SIK3: variants seen among roughly 807,000 people sequenced by gnomAD.
SIK3 encodes serine/threonine-protein kinase SIK3.
A neutral mutation model predicts 144.2 loss-of-function variants in SIK3; 28 were observed. The ratio of observed to expected loss-of-function variants is 0.19; its 90% CI spans 0.14 to 0.27. The LOEUF is 0.27. Ranked by LOEUF, SIK3 falls within the 10% of genes least tolerant of loss-of-function variation. SIK3 has a pLI of 1.00. For missense variants in SIK3, 1,319 were observed against 1,776.0 expected (o/e 0.74, Z 4.62); for synonymous variants, 686 against 676.3 (o/e 1.01, Z -0.22).
chr11:116,849,358 T>A lies in SIK3; in HGVS notation c.3656-75A>T. On this transcript the variant is annotated intron_variant, in intron 21 of 24. Coordinates refer to ENST00000445177, the MANE Select transcript of SIK3 (RefSeq NM_001366686.3). This position sits in a 1 kb window ranked among gnomAD's most constrained non-coding sequence, Gnocchi z 4.2. Reference sequence around the variant, plus strand: ...ACTGGAAACTCCCATCCAAGAAATGTCTTGCAAGGGACAATGGGCAAGGCT... The same window carrying A: ...ACTGGAAACTCCCATCCAAGAAATGACTTGCAAGGGACAATGGGCAAGGCT... The A allele has an allele frequency of 6.4e-7, 1 of 1,571,940 alleles. No individual in the cohort carries two copies. The highest frequency in any genetic ancestry group is 1.1e-5 in the South Asian group (1 of 88,994).
rs563485165 is a variant in SIK3 at position 116,992,167 on chromosome 11, T to C, written c.274-35103A>G. On this transcript the variant is annotated intron_variant, in intron 1 of 24. Coordinates refer to ENST00000445177, the MANE Select transcript of SIK3 (RefSeq NM_001366686.3). ...GGTGAAACCTCATTTTTACTAAAAA[T>C]ACAAAAAATTAGCCAGGCGTGGTGG... 6.6e-5 allele frequency among the ~76,000 whole-genome samples: 10 copies of C among 151,902 alleles called. No homozygotes were observed. In the East Asian group the frequency reaches 1.6e-3, roughly 24 times the overall value.
At chr11:116,860,223 G>A (rs1281825830) in intron 19 of SIK3, among the ~76,000 whole-genome samples, 1 of 150,936 alleles carries the variant, frequency 6.6e-6, no homozygotes, top group Admixed American at 6.6e-5. Context: ...CAGCCTGGGT[G>A]ACAGGGGGAG....
chr11:117,057,423 T>G (rs1953586596), intron 1 of SIK3, among the ~76,000 whole-genome samples: 1 of 152,098 alleles, frequency 6.6e-6, no homozygotes, highest in Non-Finnish European at 1.5e-5. Flanking sequence ...TTGGAAGCAG[T>G]GGGGAGGAAA....
At chr11:117,043,341 C>T (rs1008112342) in intron 1 of SIK3, among the ~76,000 whole-genome samples, 2 of 152,110 alleles carry the variant, frequency 1.3e-5, no homozygotes, top group African/African-American at 4.8e-5. Context: ...ATCATCTAAA[C>T]AAAAACTCAT....
chr11:116,971,964 T>C (rs1949777432), intron 1 of SIK3, among the ~76,000 whole-genome samples: 1 of 151,978 alleles, frequency 6.6e-6, no homozygotes, highest in Non-Finnish European at 1.5e-5. Flanking sequence ...GGCACGCGCC[T>C]GTAATCCCAG....
At chr11:116,866,450 T>A (rs1189383410) in intron 15 of SIK3, among the ~76,000 whole-genome samples, 2 of 152,122 alleles carry the variant, frequency 1.3e-5, no homozygotes, top group Admixed American at 1.3e-4. Flanking sequence ...TCTTTATTTA[T>A]TTATTTATTG....
intron 1 of SIK3, among the ~76,000 whole-genome samples, chr11:117,013,297 C>A (rs755798988): frequency 1.6e-4 from 24 of 152,006 alleles, no homozygotes; most frequent in Non-Finnish European, 3.4e-4. Flanking sequence ...TCGAGACCAG[C>A]CTGGCCAACA....
chr11:116,921,345 C>T (rs756335190), intron 4 of SIK3, among the ~76,000 whole-genome samples: 22 of 152,106 alleles, frequency 1.4e-4, no homozygotes, highest in African/African-American at 4.8e-4. Flanking sequence ...ACCAACTTTT[C>T]AAAGATCTAA....
intron 4 of SIK3, among the ~76,000 whole-genome samples, chr11:116,924,209 G>A (rs539696316): frequency 2.6e-5 from 4 of 151,520 alleles, no homozygotes; most frequent in East Asian, 3.9e-4. Flanking sequence ...TAGGAGAATC[G>A]CTTGAACCTG....
chr11:116,944,281 T>C lies in SIK3; in HGVS notation c.454+9763A>G, dbSNP rs1165494015. Reference sequence around the variant, plus strand: ...ATGTTATGTCTGCTCGGAGTGTCTCTGTCTGGGAGCCTTGGGTCATGCCAG... The same window carrying C: ...ATGTTATGTCTGCTCGGAGTGTCTCCGTCTGGGAGCCTTGGGTCATGCCAG... On this transcript the variant is annotated intron_variant, in intron 3 of 24. Coordinates refer to ENST00000445177, the MANE Select transcript of SIK3 (RefSeq NM_001366686.3). Among the ~76,000 whole-genome samples the C allele has an allele frequency of 2.0e-5, 3 of 152,174 alleles. 1 individual carries two copies. The highest frequency in any genetic ancestry group is 4.4e-5 in the Non-Finnish European group (3 of 68,028).
chr11:116,857,608 G>A, intron 21 of SIK3: 2 of 757,918 alleles, frequency 2.6e-6, no homozygotes, highest in Non-Finnish European at 4.0e-6. Flanking sequence ...TGTTAATTTT[G>A]TATCATGGTC....
At chr11:116,998,893 C>T (rs1950760322) in intron 1 of SIK3, among the ~76,000 whole-genome samples, 1 of 152,040 alleles carries the variant, frequency 6.6e-6, no homozygotes, top group African/African-American at 2.4e-5. Flanking sequence ...AGTCAAAATC[C>T]CAAACTAATC....
At chr11:116,961,230 C>T (rs553848519) in intron 1 of SIK3, among the ~76,000 whole-genome samples, 1 of 152,306 alleles carries the variant, frequency 6.6e-6, no homozygotes, top group East Asian at 1.9e-4. Flanking sequence ...GAGGAGAGAA[C>T]TTACTGTTGC....
chr11:117,086,766 G>A (rs1955029381), intron 1 of SIK3, among the ~76,000 whole-genome samples: 1 of 151,812 alleles, frequency 6.6e-6, no homozygotes, highest in Admixed American at 6.6e-5. Context: ...GGAGGTCGAG[G>A]CAGGTGGATC....
chr11:116,878,381 C>CG (rs1944369528), intron 6 of SIK3, among the ~76,000 whole-genome samples: 1 of 144,258 alleles, frequency 6.9e-6, no homozygotes, highest in African/African-American at 2.6e-5. Context: ...CTCTCTCTCC[C>CG]TTTTTTTTTT....
At chr11:116,952,956 T>C (rs1473326) in intron 3 of SIK3, among the ~76,000 whole-genome samples, 13,451 of 152,244 alleles carry the variant, frequency 0.088, 788 homozygotes, top group South Asian at 0.16. Flanking sequence ...ACCATTAGCT[T>C]TGACATTAAC....
chr11:117,054,625 G>A (rs1953426025), intron 1 of SIK3, among the ~76,000 whole-genome samples: 1 of 152,076 alleles, frequency 6.6e-6, no homozygotes, highest in African/African-American at 2.4e-5. Context: ...CACATGTTTC[G>A]GAAGCACAAT....
intron 1 of SIK3, among the ~76,000 whole-genome samples, chr11:117,096,444 G>GTT (rs1490299074): frequency 3.3e-5 from 5 of 152,210 alleles, no homozygotes; most frequent in Non-Finnish European, 7.3e-5. Flanking sequence ...GTTTGTAAAT[G>GTT]TAAGTTTGCC....
intron 1 of SIK3, among the ~76,000 whole-genome samples, chr11:117,015,254 CCTA>C (rs1193557799): frequency 6.6e-6 from 1 of 151,922 alleles, no homozygotes; most frequent in Non-Finnish European, 1.5e-5. Flanking sequence ...CCACTATATT[CCTA>C]CTACATTAGG....
Sources: allele counts gnomAD v4.1 joint callset (sites outside exome capture counted in the v4.1 genomes callset), GRCh38; gene constraint gnomAD v4.1.1; non-coding constraint Gnocchi (gnomAD v3.1); transcripts MANE v1.5; gene names NCBI Gene and HGNC (gene_info 2026-07-23, HGNC 2026-07-21).